ULK4: variants seen among roughly 807,000 people sequenced by gnomAD.
ULK4 encodes unc-51 like kinase 4, also known as inactive serine/threonine-protein kinase ULK4.
In ULK4, 133 loss-of-function variants were observed where a neutral mutation model predicts 160.6. The observed-to-expected ratio is 0.83, with a 90% CI of 0.72 to 0.96. ULK4 has a LOEUF of 0.96. ULK4 is among the 40% of genes least tolerant of loss of function. The pLI is 0.00. For missense variants in ULK4, 1,580 were observed against 1,499.5 expected (o/e 1.05, Z -0.89); for synonymous variants, 534 against 539.8 (o/e 0.99, Z 0.15).
At chr3:41,251,276 A>C (rs764339855) in intron 35 of ULK4, among the ~76,000 whole-genome samples, 4 of 152,242 alleles carry the variant, frequency 2.6e-5, no homozygotes, top group Admixed American at 6.5e-5. Flanking sequence ...ACTCTTATTC[A>C]TAACATCAGC....
At chr3:41,535,674 A>G (rs962475618) in intron 32 of ULK4, among the ~76,000 whole-genome samples, 1 of 152,144 alleles carries the variant, frequency 6.6e-6, no homozygotes, top group Non-Finnish European at 1.5e-5. Context: ...TGCTTCATGA[A>G]TCTACACACA....
At chr3:41,750,420 C>T (rs1381341686) in intron 22 of ULK4, among the ~76,000 whole-genome samples, 1 of 152,140 alleles carries the variant, frequency 6.6e-6, no homozygotes, top group African/African-American at 2.4e-5. Context: ...GTTCTTTACT[C>T]CTCCTAATGT....
At chr3:41,641,871 CTTTT>C (rs1216590151) in intron 30 of ULK4, among the ~76,000 whole-genome samples, 23 of 138,456 alleles carry the variant, frequency 1.7e-4, no homozygotes, top group African/African-American at 5.7e-4. Flanking sequence ...CAATTAATAC[CTTTT>C]TTTTTTTTTT....
At chr3:41,898,292 T>A in intron 14 of ULK4, 140 bp downstream of exon 14, 1 of 566,028 alleles carries the variant, frequency 1.8e-6, no homozygotes, top group Non-Finnish European at 3.1e-6. Flanking sequence ...ACAATTCGTG[T>A]AACACTGCCC....
chr3:41,380,270 C>T (rs889804348), intron 35 of ULK4, among the ~76,000 whole-genome samples: 1 of 152,074 alleles, frequency 6.6e-6, no homozygotes, highest in African/African-American at 2.4e-5. Context: ...GAAGATCTTA[C>T]ATAGTTTTAC....
chr3:41,432,520 C>T (rs2082936400), intron 34 of ULK4, among the ~76,000 whole-genome samples: 1 of 152,162 alleles, frequency 6.6e-6, no homozygotes. Flanking sequence ...CCACTACTCA[C>T]CCCCACTTCT....
chr3:41,952,656 T>A (rs1310357438), intron 2 of ULK4, among the ~76,000 whole-genome samples: 1 of 152,182 alleles, frequency 6.6e-6, no homozygotes, highest in African/African-American at 2.4e-5. Flanking sequence ...GAAAACAGTA[T>A]GGCAAGTCTT....
chr3:41,512,305 G>A (rs1265588943), intron 32 of ULK4, among the ~76,000 whole-genome samples: 1 of 152,114 alleles, frequency 6.6e-6, no homozygotes, highest in Non-Finnish European at 1.5e-5. Context: ...AGAAATAAAG[G>A]ACATCCACAT....
At position 41,427,964 on chromosome 3, in the gene ULK4, A is replaced by C. The variant is rs546334457; in HGVS notation, c.3492+27533T>G. On this transcript the variant is annotated intron_variant, in intron 34 of 36. Transcript: ENST00000301831. ...AGAAATAAAGGGTATTAAAATAGGA[A>C]GATAGGAAGTCAAACTGTCTCTGTT... is the stretch of plus-strand genomic sequence containing the variant. Among the ~76,000 whole-genome samples, 8 of 152,246 alleles carry C rather than the reference A, an allele frequency of 5.3e-5. No individual in the cohort carries two copies. The East Asian group carries it at 1.5e-3, about 29-fold the overall frequency.
At chr3:41,266,512 C>T (rs374241106) in intron 35 of ULK4, among the ~76,000 whole-genome samples, 9 of 152,006 alleles carry the variant, frequency 5.9e-5, no homozygotes, top group African/African-American at 2.2e-4. Context: ...GGTGAGCTAC[C>T]ACGGGGGAAT....
intron 31 of ULK4, among the ~76,000 whole-genome samples, chr3:41,593,569 A>G (rs1166944107): frequency 6.6e-6 from 1 of 152,264 alleles, no homozygotes; most frequent in East Asian, 1.9e-4. Flanking sequence ...TATTTACATC[A>G]GTAACTACAG....
At chr3:41,453,193 G>A (rs2083461750) in intron 34 of ULK4, among the ~76,000 whole-genome samples, 1 of 151,992 alleles carries the variant, frequency 6.6e-6, no homozygotes, top group Admixed American at 6.6e-5. Flanking sequence ...TTTGAGACAG[G>A]GTCTCACTCT....
chr3:41,339,465 A>C (rs1007737024), intron 35 of ULK4, among the ~76,000 whole-genome samples: 1 of 152,130 alleles, frequency 6.6e-6, no homozygotes, highest in Non-Finnish European at 1.5e-5. Flanking sequence ...CACCCTCCAC[A>C]TGTCCCTGCT....
At chr3:41,810,269 G>C (rs1203896048) in intron 19 of ULK4, among the ~76,000 whole-genome samples, 1 of 152,112 alleles carries the variant, frequency 6.6e-6, no homozygotes, top group Non-Finnish European at 1.5e-5. Context: ...TTAAGGCTAT[G>C]AACTTTCCTT....
At chr3:41,483,632 T>C (rs754826140) in intron 32 of ULK4, among the ~76,000 whole-genome samples, 1 of 152,198 alleles carries the variant, frequency 6.6e-6, no homozygotes, top group Non-Finnish European at 1.5e-5. Flanking sequence ...GTTTTGAGAA[T>C]GTGGAATGCT....
At chr3:41,608,005 C>T (rs1052817400) in intron 31 of ULK4, among the ~76,000 whole-genome samples, 10 of 152,180 alleles carry the variant, frequency 6.6e-5, no homozygotes, top group African/African-American at 2.4e-4. Context: ...CTATGTTAGA[C>T]ATTTCTGTGT....
At chr3:41,851,471 C>T (rs1293603667) in intron 17 of ULK4, among the ~76,000 whole-genome samples, 7 of 152,058 alleles carry the variant, frequency 4.6e-5, no homozygotes, top group South Asian at 4.1e-4. Context: ...CTGCTGGATT[C>T]GGTTTGCCAG....
chr3:41,673,945 C>A (rs573018109), intron 29 of ULK4, among the ~76,000 whole-genome samples: 1 of 151,988 alleles, frequency 6.6e-6, no homozygotes, highest in Non-Finnish European at 1.5e-5. Context: ...CACTGAGGGG[C>A]GGGAATTTAA....
chr3:41,774,418 G>T (rs924671126), intron 21 of ULK4, among the ~76,000 whole-genome samples: 6 of 150,716 alleles, frequency 4.0e-5, no homozygotes, highest in Non-Finnish European at 7.3e-5. Context: ...CAAAGGATAT[G>T]AACAGACACT....
Sources: gnomAD v4.1 joint callset for allele counts (sites outside exome capture counted in the v4.1 genomes callset) on GRCh38, gnomAD v4.1.1 for gene constraint, MANE v1.5 for transcripts, NCBI Gene and HGNC (gene_info 2026-07-23, HGNC 2026-07-21) for gene names.